Variants in CACNG2 observed in about 807,000 individuals in gnomAD.
CACNG2 encodes the protein calcium voltage-gated channel auxiliary subunit gamma 2.
Under a neutral mutation model 25.9 loss-of-function variants are expected in CACNG2, and 3 were observed. The ratio of observed to expected loss-of-function variants is 0.12; its 90% CI spans 0.05 to 0.30. The LOEUF (loss-of-function observed/expected upper bound fraction) is 0.30. CACNG2 is among the 10% of genes least tolerant of loss of function. The pLI, the probability that CACNG2 is intolerant of heterozygous loss-of-function variation, is 1.00. For synonymous variants in CACNG2, 167 were observed against 173.3 expected (o/e 0.96, Z 0.29); for missense variants, 341 against 432.5 (o/e 0.79, Z 1.88).
intron 1 of CACNG2, among the ~76,000 whole-genome samples, chr22:36,663,342 G>T (rs9610557): frequency 0.23 from 34,584 of 152,048 alleles, 4,192 homozygotes; most frequent in Middle Eastern, 0.32. Flanking sequence ...TCGCCAAGGG[G>T]TACTTCGAGG....
intron 1 of CACNG2, among the ~76,000 whole-genome samples, chr22:36,650,847 C>T (rs1299437082): frequency 6.6e-6 from 1 of 152,234 alleles, no homozygotes; most frequent in African/African-American, 2.4e-5. Flanking sequence ...ACACCACAGG[C>T]ACACTCCTGC....
At chr22:36,568,729 G>A (rs73169702) in intron 2 of CACNG2, among the ~76,000 whole-genome samples, 4,068 of 152,250 alleles carry the variant, frequency 0.027, 134 homozygotes, top group Admixed American at 0.09. Flanking sequence ...TGTGTGATGT[G>A]AAAACTCTTC....
At chr22:36,655,141 A>G (rs1011828830) in intron 1 of CACNG2, among the ~76,000 whole-genome samples, 2 of 152,182 alleles carry the variant, frequency 1.3e-5, no homozygotes, top group Non-Finnish European at 2.9e-5. Context: ...CAATGCTCTT[A>G]TAAGTAGAGT....
chr22:36,587,381 G>T, intron 2 of CACNG2, 84 bp downstream of exon 2: 1 of 989,460 alleles, frequency 1.0e-6, no homozygotes, highest in Non-Finnish European at 1.6e-6. Flanking sequence ...GGGCCTCTAG[G>T]TAGGCCTGGT....
At chr22:36,597,211 G>T (rs62228772) in intron 1 of CACNG2, among the ~76,000 whole-genome samples, 1 of 152,018 alleles carries the variant, frequency 6.6e-6, no homozygotes, top group Admixed American at 6.5e-5. Flanking sequence ...TTTAGTAGAG[G>T]TGGGGTTTCG....
chr22:36,652,528 C>G (rs975916303), intron 1 of CACNG2, among the ~76,000 whole-genome samples: 1 of 152,196 alleles, frequency 6.6e-6, no homozygotes, highest in Non-Finnish European at 1.5e-5. Context: ...GCCTCAGGCT[C>G]TTTCTGAATC....
intron 1 of CACNG2, among the ~76,000 whole-genome samples, chr22:36,589,682 T>C (rs1481297856): frequency 6.6e-5 from 10 of 152,114 alleles, no homozygotes; most frequent in Admixed American, 5.9e-4. Flanking sequence ...CATGGACAGG[T>C]GTCTTCTCTG....
chr22:36,632,137 G>C (rs1179260151), intron 1 of CACNG2, among the ~76,000 whole-genome samples: 1 of 151,962 alleles, frequency 6.6e-6, no homozygotes, highest in Non-Finnish European at 1.5e-5. Flanking sequence ...AGTGATTCAG[G>C]CACTGTTCAA....
At chr22:36,594,731 G>T (rs1036516202) in intron 1 of CACNG2, among the ~76,000 whole-genome samples, 1 of 151,722 alleles carries the variant, frequency 6.6e-6, no homozygotes. Context: ...GTGTGTGTCT[G>T]TGTGTGCATG....
intron 1 of CACNG2, among the ~76,000 whole-genome samples, chr22:36,624,069 C>A (rs1202002155): frequency 6.6e-6 from 1 of 152,144 alleles, no homozygotes; most frequent in Non-Finnish European, 1.5e-5. Flanking sequence ...GTTCTTACAG[C>A]CTTAGGGATC....
At position 36,611,734 on chromosome 22, in the gene CACNG2, C is replaced by G. The variant is rs141844220; in HGVS notation, c.212-24186G>C. On this transcript the variant is annotated intron_variant, in intron 1 of 3. Transcript: ENST00000300105. ...AGCCGCGGGTCTCCAGGCTGTTGTT[C>G]TAGCACTGTGGCCGGCGTCTGTTCT... Among the ~76,000 whole-genome samples the G allele has an allele frequency of 7.9e-5, 12 of 152,310 alleles. No individual in the cohort carries two copies. The East Asian group carries it at 2.1e-3, about 27-fold the overall frequency.
intron 1 of CACNG2, among the ~76,000 whole-genome samples, chr22:36,598,083 T>G (rs1935702953): frequency 6.6e-6 from 1 of 152,248 alleles, no homozygotes; most frequent in South Asian, 2.1e-4. Context: ...TTCACTTCAC[T>G]GCAGTGTGTC....
chr22:36,611,387 T>C (rs144595025), intron 1 of CACNG2, among the ~76,000 whole-genome samples: 145 of 152,330 alleles, frequency 9.5e-4, no homozygotes, highest in African/African-American at 3.5e-3. Flanking sequence ...CTCAGGGCTA[T>C]GACCCCAGGT....
intron 1 of CACNG2, among the ~76,000 whole-genome samples, chr22:36,672,572 C>A (rs923487033): frequency 3.3e-4 from 51 of 152,272 alleles, no homozygotes; most frequent in African/African-American, 1.1e-3. Flanking sequence ...TGAGCTGGAT[C>A]TTAAGAAGTC....
intron 1 of CACNG2, among the ~76,000 whole-genome samples, chr22:36,634,672 C>A (rs979003343): frequency 5.9e-5 from 9 of 152,182 alleles, no homozygotes; most frequent in African/African-American, 1.9e-4. Flanking sequence ...CTCTTACTAT[C>A]CTCTTGCTTA....
intron 2 of CACNG2, among the ~76,000 whole-genome samples, chr22:36,568,816 G>A (rs1480766839): frequency 1.3e-5 from 2 of 149,112 alleles, no homozygotes; most frequent in African/African-American, 2.5e-5. Context: ...GGGGGGACCT[G>A]AAGAAGGGCA....
chr22:36,672,308 C>T (rs1214242819), intron 1 of CACNG2, among the ~76,000 whole-genome samples: 2 of 152,130 alleles, frequency 1.3e-5, no homozygotes, highest in African/African-American at 4.8e-5. Flanking sequence ...AGGTGCACAC[C>T]ATACCACCTG....
intron 1 of CACNG2, among the ~76,000 whole-genome samples, chr22:36,690,971 A>G (rs1194066020): frequency 1.1e-4 from 17 of 151,042 alleles, no homozygotes; most frequent in Admixed American, 6.7e-5. Flanking sequence ...ACCTTCCCCT[A>G]TCTCCTCTCC....
At chr22:36,639,727 C>A (rs1936414353) in intron 1 of CACNG2, among the ~76,000 whole-genome samples, 1 of 152,184 alleles carries the variant, frequency 6.6e-6, no homozygotes, top group African/African-American at 2.4e-5. Context: ...TGGGAGTTGG[C>A]AGCTGTGGTT....
Sources: allele counts gnomAD v4.1 joint callset (sites outside exome capture counted in the v4.1 genomes callset), GRCh38; gene constraint gnomAD v4.1.1; transcripts MANE v1.5; gene names NCBI Gene and HGNC (gene_info 2026-07-23, HGNC 2026-07-21).